RGS20: variants seen among roughly 807,000 people sequenced by gnomAD.
RGS20 encodes gz-selective GTPase-activating protein.
RGS20 carries 30 observed loss-of-function variants against 33.6 expected under a neutral mutation model. That is an observed-to-expected ratio of 0.89 (90% confidence interval 0.67 to 1.21). The LOEUF is 1.21. Among genes scored for constraint, RGS20 ranks in the 50% most tolerant of loss-of-function variants. The probability of loss-of-function intolerance (pLI) is 0.00; values close to 1 mark genes in which losing one functional copy is unlikely to be tolerated. For synonymous variants in RGS20, 208 were observed against 197.9 expected, an observed-to-expected ratio of 1.05 and a Z score of -0.43; for missense variants, 472 against 502.4, an observed-to-expected ratio of 0.94 and a Z score of 0.58.
At position 53,879,357 on chromosome 8, in the gene RGS20, C is replaced by A; in HGVS notation, c.265C>A (p.Leu89Ile). ...CAGCCTCGCAAGGTTCTTCTCTCAC[C>A]TTCTCCGGCGACCCCCTCCCGAGGC... The change falls in exon 2 of 6, where the codon CTT becomes ATT. Residue 89 changes from leucine (L) to isoleucine (I), a missense_variant. This residue lies in a region of RGS20 where 319 missense variants were observed against 283.4 expected (regional missense o/e 1.13). Coordinates refer to ENST00000297313, the MANE Select transcript of RGS20 (RefSeq NM_170587.4). 6.2e-7 allele frequency: 1 copy of A among 1,611,966 alleles called. No homozygotes were observed.
intron 5 of RGS20, among the ~76,000 whole-genome samples, chr8:53,957,634 C>T (rs1814906999): frequency 6.6e-6 from 1 of 152,214 alleles, no homozygotes; most frequent in African/African-American, 2.4e-5. Flanking sequence ...TTCAAAGCAG[C>T]AGTGTGAGCC....
At chr8:53,953,639 T>C (rs1311466176) in intron 4 of RGS20, among the ~76,000 whole-genome samples, 3 of 152,200 alleles carry the variant, frequency 2.0e-5, no homozygotes, top group Admixed American at 6.5e-5. Flanking sequence ...TTAAAATATA[T>C]TAAACAGACA....
intron 4 of RGS20, among the ~76,000 whole-genome samples, chr8:53,947,408 G>GTATA (rs200283762): frequency 0.38 from 49,837 of 131,522 alleles, 10,571 homozygotes; most frequent in East Asian, 0.73. Context: ...ATAAGATATA[G>GTATA]TACATTTATA....
At chr8:53,869,926 G>C (rs766506278) in intron 1 of RGS20, among the ~76,000 whole-genome samples, 1 of 152,114 alleles carries the variant, frequency 6.6e-6, no homozygotes, top group African/African-American at 2.4e-5. Context: ...CAATGGCCAG[G>C]ACTTGTGTGG....
At chr8:53,918,351 G>A (rs1813548689) in intron 2 of RGS20, among the ~76,000 whole-genome samples, 1 of 151,658 alleles carries the variant, frequency 6.6e-6, no homozygotes, top group African/African-American at 2.4e-5. Flanking sequence ...TTTTGTGTCT[G>A]CCTTCGTTCA....
Position 53,879,518 on chromosome 8 carries a change from G to C in RGS20, c.426G>C (p.Ser142=), listed in dbSNP as rs746366246. ...CGCTGGCACTGCCCGGCCGACCCTCGGGGGGTCGTCCGCTGAGGCCCCCCC... is the reference window on the plus strand; with the variant it reads ...CGCTGGCACTGCCCGGCCGACCCTCCGGGGGTCGTCCGCTGAGGCCCCCCC... Residue 142 remains serine (S), a synonymous_variant, in exon 2 of 6, where the codon TCG becomes TCC. Coordinates refer to ENST00000297313, the MANE Select transcript of RGS20 (RefSeq NM_170587.4). The C allele has an allele frequency of 1.4e-5, 22 of 1,541,520 alleles. No homozygotes were observed. Among genetic ancestry groups the C allele is most frequent in the Admixed American group, 2.0e-5 (1 of 49,180 alleles).
At chr8:53,937,641 A>T (rs1814172855) in intron 2 of RGS20, among the ~76,000 whole-genome samples, 1 of 152,240 alleles carries the variant, frequency 6.6e-6, no homozygotes, top group Non-Finnish European at 1.5e-5. Flanking sequence ...TCATCTGACA[A>T]AGGGCTAATA....
chr8:53,933,624 T>G (rs1013500306), intron 2 of RGS20: 10 of 152,514 alleles, frequency 6.6e-5, no homozygotes, highest in African/African-American at 1.9e-4. Flanking sequence ...AGACCAAATC[T>G]ACATTTGATT....
In RGS20 at chr8:53,904,057, T is replaced by G. The variant is rs920588540; in HGVS notation, c.510+24455T>G. Among the ~76,000 whole-genome samples the G allele has an allele frequency of 9.2e-5, 14 of 151,830 alleles. No homozygotes were observed. In the South Asian group the frequency reaches 1.0e-3, roughly 11 times the overall value. ...GAGTTTTCTTGAACAACTGGAGAGATAGTAACACTGCTTACCAAGAGAGAA... is the reference window on the plus strand; with the variant it reads ...GAGTTTTCTTGAACAACTGGAGAGAGAGTAACACTGCTTACCAAGAGAGAA... On this transcript the variant is annotated intron_variant, in intron 2 of 5. Coordinates refer to ENST00000297313, the MANE Select transcript of RGS20 (RefSeq NM_170587.4).
At chr8:53,909,045 A>C (rs1193273702) in intron 2 of RGS20, among the ~76,000 whole-genome samples, 9 of 151,196 alleles carry the variant, frequency 6.0e-5, no homozygotes, top group Admixed American at 5.3e-4. Context: ...AGGATTTTAC[A>C]TGAATTATCA....
intron 4 of RGS20, among the ~76,000 whole-genome samples, chr8:53,950,946 A>G (rs1814695034): frequency 6.6e-6 from 1 of 152,186 alleles, no homozygotes. Context: ...ACTAGCAGTA[A>G]ACAAAATAGA....
intron 2 of RGS20, among the ~76,000 whole-genome samples, chr8:53,902,001 C>T (rs1021031393): frequency 2.6e-5 from 4 of 152,094 alleles, no homozygotes; most frequent in African/African-American, 9.7e-5. Flanking sequence ...TAAACACATT[C>T]ACTTATCCAT....
Position 53,954,173 on chromosome 8 carries a change from C to T in RGS20, c.841C>T (p.Arg281Ter), listed in dbSNP as rs1293795123. The change falls in exon 5 of 6, where the codon CGA (arginine) becomes TGA (stop). Residue 281 changes from arginine to a stop codon, truncating the protein, a stop_gained. Transcript: ENST00000297313. LOFTEE classifies it high-confidence loss of function. ...AAGGAATGCATTCCGTGAATTCCTC[C>T]GAACAGAATTCAGTGAGGAAAATAT... 4.3e-6 allele frequency: 7 copies of T among 1,613,542 alleles called. No individual in the cohort carries two copies. Among genetic ancestry groups the T allele is most frequent in the African/African-American group, 4.0e-5 (3 of 74,866 alleles).
At chr8:53,863,757 C>T (rs1811860381) in intron 1 of RGS20, among the ~76,000 whole-genome samples, 2 of 135,418 alleles carry the variant, frequency 1.5e-5, no homozygotes, top group Admixed American at 1.6e-4. Flanking sequence ...GGCAGAGTCT[C>T]ACTTTGCCAC....
At chr8:53,888,672 A>G (rs898505298) in intron 2 of RGS20, among the ~76,000 whole-genome samples, 3 of 152,174 alleles carry the variant, frequency 2.0e-5, no homozygotes, top group Non-Finnish European at 4.4e-5. Context: ...AGATGAAGAT[A>G]TAGGATATTT....
chr8:53,880,838 C>T (rs1016143454), intron 2 of RGS20, 34 bp from the exon 1 acceptor site: 4 of 1,375,596 alleles, frequency 2.9e-6, no homozygotes, highest in Admixed American at 3.1e-5. Context: ...GATTGCCCGG[C>T]CGGGTAAAAG....
At chr8:53,938,053 G>T (rs145208608) in intron 2 of RGS20, among the ~76,000 whole-genome samples, 2 of 152,270 alleles carry the variant, frequency 1.3e-5, no homozygotes, top group East Asian at 3.9e-4. Context: ...CAAAGGATTA[G>T]AAATCATTCT....
At chr8:53,932,487 T>C (rs1814001115) in intron 2 of RGS20, among the ~76,000 whole-genome samples, 1 of 152,100 alleles carries the variant, frequency 6.6e-6, no homozygotes, top group Admixed American at 6.6e-5. Flanking sequence ...GGTTTTCCCC[T>C]CACACAGTGT....
chr8:53,942,918 C>T (rs1814348311), intron 3 of RGS20, among the ~76,000 whole-genome samples: 1 of 151,896 alleles, frequency 6.6e-6, no homozygotes, highest in African/African-American at 2.4e-5. Flanking sequence ...ATCACTTGAA[C>T]CCAGGAGTTC....
Sources: allele counts gnomAD v4.1 joint callset (sites outside exome capture counted in the v4.1 genomes callset), GRCh38; gene constraint gnomAD v4.1.1; regional missense constraint gnomAD v4.1.1; transcripts MANE v1.5; gene names NCBI Gene and HGNC (gene_info 2026-07-23, HGNC 2026-07-21).